Variants in UGGT2 observed in about 807,000 individuals in gnomAD.
The protein encoded by UGGT2 is UDP-glucose:glycoprotein glucosyltransferase 2.
UGGT2 carries 180 observed loss-of-function variants against 192.1 expected under a neutral mutation model. That is an observed-to-expected ratio of 0.94 (90% CI 0.83 to 1.06). The LOEUF is 1.06. Among genes scored for constraint, UGGT2 ranks in the 50% least tolerant of loss-of-function variants. The probability of loss-of-function intolerance (pLI) is 0.00; values close to 1 mark genes in which losing one functional copy is unlikely to be tolerated. For missense variants in UGGT2, 1,849 were observed against 1,795.7 expected, an observed-to-expected ratio of 1.03 and a Z score of -0.54; for synonymous variants, 580 against 591.0, an observed-to-expected ratio of 0.98 and a Z score of 0.27.
Position 96,051,992 on chromosome 13 carries a change from G to T in UGGT2, c.158+1163C>A, listed in dbSNP as rs144278538. ...CCCACTACTAGGTATCTACCCAGAG[G>T]AAAAGAAGTCATGAAAAAGATAGTT... On this transcript the variant is annotated intron_variant, in intron 1 of 38. Coordinates refer to ENST00000376747, the MANE Select transcript of UGGT2 (RefSeq NM_020121.4). Among the ~76,000 whole-genome samples the T allele has an allele frequency of 1.2e-3, 177 of 152,198 alleles. 1 individual carries two copies. The highest frequency in any genetic ancestry group is 3.6e-3 in the African/African-American group (151 of 41,514).
At chr13:95,901,072 T>G (rs2048092809) in intron 21 of UGGT2, 134 bp from the exon 22 acceptor site, 2 of 681,594 alleles carry the variant, frequency 2.9e-6, no homozygotes, top group Non-Finnish European at 4.0e-6. Flanking sequence ...TAATTTTCTT[T>G]GAAAGAACAT....
chr13:95,875,328 T>G (rs1412903761), intron 29 of UGGT2, among the ~76,000 whole-genome samples: 1 of 152,232 alleles, frequency 6.6e-6, no homozygotes, highest in Non-Finnish European at 1.5e-5. Context: ...ATATTCTGTA[T>G]ATAAATTCTT....
chr13:95,851,512 T>C (rs1395967540), intron 36 of UGGT2, among the ~76,000 whole-genome samples: 3 of 152,028 alleles, frequency 2.0e-5, no homozygotes, highest in Non-Finnish European at 4.4e-5. Context: ...AAAATTGTGG[T>C]GGGAAAGCCA....
Position 96,023,587 on chromosome 13 carries a change from G to A in UGGT2, c.372+42C>T, listed in dbSNP as rs376879951. ...TTAAAGAACTCTATGTACATTGCTA[G>A]CGTGCCTCTTTGTCAAATACAGATT... On this transcript the variant is annotated intron_variant, in intron 3 of 38. Transcript: ENST00000376747. 3.8e-6 allele frequency: 6 copies of A among 1,575,788 alleles called. No individual in the cohort carries two copies. The African/African-American group carries it at 8.1e-5, about 21-fold the overall frequency.
At chr13:95,990,147 A>G (rs980433752) in intron 7 of UGGT2, 74 bp from the exon 8 acceptor site, 1 of 868,108 alleles carries the variant, frequency 1.2e-6, no homozygotes, top group African/African-American at 1.7e-5. Context: ...ATATTTTTGA[A>G]ATTACATATT....
At chr13:96,040,546 A>G (rs569827218) in intron 1 of UGGT2, among the ~76,000 whole-genome samples, 2 of 152,176 alleles carry the variant, frequency 1.3e-5, no homozygotes, top group African/African-American at 2.4e-5. Context: ...GGATGTGGAC[A>G]TATCTTTTTG....
chr13:95,892,558 C>A (rs1029232458), intron 24 of UGGT2, among the ~76,000 whole-genome samples: 5 of 152,088 alleles, frequency 3.3e-5, no homozygotes, highest in African/African-American at 1.2e-4. Flanking sequence ...TCAACTCTTA[C>A]AGATATATTG....
At chr13:95,882,875 A>T (rs1387040016) in intron 27 of UGGT2, among the ~76,000 whole-genome samples, 1 of 152,186 alleles carries the variant, frequency 6.6e-6, no homozygotes, top group East Asian at 1.9e-4. Flanking sequence ...GCATGTTTAA[A>T]AGTTACCTTA....
chr13:96,048,522 T>C (rs139795435), intron 1 of UGGT2, among the ~76,000 whole-genome samples: 4 of 151,868 alleles, frequency 2.6e-5, no homozygotes, highest in African/African-American at 9.7e-5. Flanking sequence ...AAGAAAACCA[T>C]TCAAAAAAAT....
chr13:95,987,360 T>C (rs748259890), intron 8 of UGGT2, among the ~76,000 whole-genome samples: 4 of 152,154 alleles, frequency 2.6e-5, no homozygotes, highest in South Asian at 2.1e-4. Flanking sequence ...TTTTAGTCCA[T>C]TGAAATACAT....
At chr13:95,922,181 T>G (rs1180168148) in intron 20 of UGGT2, among the ~76,000 whole-genome samples, 2 of 152,256 alleles carry the variant, frequency 1.3e-5, no homozygotes, top group African/African-American at 4.8e-5. Context: ...GAGGCCATTA[T>G]TTTAAGTGAA....
At chr13:95,953,475 A>T (rs933154203) in intron 12 of UGGT2, among the ~76,000 whole-genome samples, 1 of 152,244 alleles carries the variant, frequency 6.6e-6, no homozygotes, top group Non-Finnish European at 1.5e-5. Context: ...GCGGGAGTGC[A>T]GAAGGGAGGA....
At chr13:95,996,330 T>C (rs888770377) in intron 6 of UGGT2, among the ~76,000 whole-genome samples, 195 bp from the exon 7 acceptor site, 7 of 151,804 alleles carry the variant, frequency 4.6e-5, no homozygotes, top group African/African-American at 1.5e-4. Context: ...AGTGAAACCT[T>C]GTCTCTACTA....
intron 37 of UGGT2, among the ~76,000 whole-genome samples, chr13:95,833,552 T>G (rs1352954692): frequency 6.6e-6 from 1 of 152,088 alleles, no homozygotes; most frequent in Non-Finnish European, 1.5e-5. Flanking sequence ...AATAGGAAAA[T>G]CTCTAAGGTT....
intron 1 of UGGT2, among the ~76,000 whole-genome samples, chr13:96,046,593 T>C (rs1175891497): frequency 6.6e-6 from 1 of 152,160 alleles, no homozygotes; most frequent in Non-Finnish European, 1.5e-5. Flanking sequence ...ACCAGGTTCA[T>C]CTCATTGGGG....
chr13:95,949,220 G>A (rs1241217312), intron 13 of UGGT2, 115 bp downstream of exon 13: 3 of 1,065,064 alleles, frequency 2.8e-6, no homozygotes, highest in Admixed American at 3.7e-5. Flanking sequence ...GCTGCTTCAG[G>A]CAAATACTTA....
At chr13:95,936,229 C>T (rs2049458550) in intron 17 of UGGT2, among the ~76,000 whole-genome samples, 1 of 152,218 alleles carries the variant, frequency 6.6e-6, no homozygotes, top group Non-Finnish European at 1.5e-5. Context: ...ATTGATAAAG[C>T]TTTCAATTAT....
At chr13:95,943,103 C>T (rs1354065210) in intron 15 of UGGT2, among the ~76,000 whole-genome samples, 2 of 152,060 alleles carry the variant, frequency 1.3e-5, no homozygotes, top group African/African-American at 2.4e-5. Context: ...TGAACCAATA[C>T]CACAAACTTT....
intron 6 of UGGT2, among the ~76,000 whole-genome samples, chr13:95,997,999 A>C (rs2051679538): frequency 6.6e-6 from 1 of 152,208 alleles, no homozygotes; most frequent in Non-Finnish European, 1.5e-5. Flanking sequence ...TCAACATCAG[A>C]AGTTCATTTG....
Sources: allele counts gnomAD v4.1 joint callset (sites outside exome capture counted in the v4.1 genomes callset), GRCh38; gene constraint gnomAD v4.1.1; transcripts MANE v1.5; gene names NCBI Gene and HGNC (gene_info 2026-07-23, HGNC 2026-07-21).